Variants in SMARCAD1 observed in about 807,000 individuals in gnomAD.
SMARCAD1 encodes the protein SWI/SNF-related matrix-associated actin-dependent regulator of chromatin subfamily A containing DEAD/H box 1.
SMARCAD1 carries 25 observed loss-of-function variants against 127.1 expected under a neutral mutation model. The ratio of observed to expected loss-of-function variants is 0.20; its 90% CI spans 0.14 to 0.27. The LOEUF is 0.27. Ranked by LOEUF, SMARCAD1 falls within the 10% of genes least tolerant of loss-of-function variation. SMARCAD1 has a pLI of 1.00. For synonymous variants in SMARCAD1, 400 were observed against 396.9 expected (o/e 1.01, Z -0.09); for missense variants, 807 against 1,206.0 (o/e 0.67, Z 4.90).
At chr4:94,279,989 T>C (rs934230022) in intron 19 of SMARCAD1, among the ~76,000 whole-genome samples, 6 of 151,990 alleles carry the variant, frequency 3.9e-5, no homozygotes, top group African/African-American at 1.4e-4. Context: ...CTCAGCATCC[T>C]GAGTAGCTGG....
chr4:94,242,324 C>T (rs1368999292), intron 6 of SMARCAD1, among the ~76,000 whole-genome samples: 3 of 151,970 alleles, frequency 2.0e-5, no homozygotes, highest in African/African-American at 7.3e-5. Flanking sequence ...AGATTACAGG[C>T]GTGAGCCACC....
At chr4:94,208,217 G>A (rs759860816) in intron 1 of SMARCAD1, 129 bp from the exon 2 acceptor site, 1 of 739,124 alleles carries the variant, frequency 1.4e-6, no homozygotes. Flanking sequence ...ACAATGAAGC[G>A]CAGCCATAAC....
intron 10 of SMARCAD1, among the ~76,000 whole-genome samples, chr4:94,269,107 C>CT (rs1430532634): frequency 6.6e-6 from 1 of 152,164 alleles, no homozygotes; most frequent in Non-Finnish European, 1.5e-5. Context: ...CCTACCTATA[C>CT]TTTTAGTTGT....
intron 21 of SMARCAD1, among the ~76,000 whole-genome samples, chr4:94,281,897 C>G (rs1207054129): frequency 6.6e-6 from 1 of 150,930 alleles, no homozygotes; most frequent in East Asian, 2.0e-4. Flanking sequence ...ACAAAAATAG[C>G]CAGGTGTGGT....
chr4:94,266,299 T>C (rs894408646), intron 10 of SMARCAD1, among the ~76,000 whole-genome samples: 1 of 152,160 alleles, frequency 6.6e-6, no homozygotes, highest in Admixed American at 6.5e-5. Flanking sequence ...TGCATCACTT[T>C]AAAAATTTCT....
At chr4:94,276,746 A>T (rs989332982) in intron 15 of SMARCAD1, among the ~76,000 whole-genome samples, 5 of 152,208 alleles carry the variant, frequency 3.3e-5, no homozygotes, top group African/African-American at 1.2e-4. Context: ...TCTATATGTT[A>T]AACTATTTAT....
At chr4:94,221,691 G>A (rs931003933) in intron 2 of SMARCAD1, among the ~76,000 whole-genome samples, 43 of 152,174 alleles carry the variant, frequency 2.8e-4, no homozygotes, top group African/African-American at 1.0e-3. Flanking sequence ...TCATGAAGAT[G>A]TTGTAGGGGA....
At chr4:94,227,467 G>GCTA (rs1415546034) in intron 3 of SMARCAD1, among the ~76,000 whole-genome samples, 2 of 152,134 alleles carry the variant, frequency 1.3e-5, no homozygotes, top group African/African-American at 4.8e-5. Flanking sequence ...CTTAGATGAG[G>GCTA]CTAGTGCCTG....
In SMARCAD1 at chr4:94,290,122, C is replaced by A. The variant is rs1376256418; in HGVS notation, c.*588C>A. The A allele has an allele frequency of 4.4e-6, 2 of 454,496 alleles. No homozygotes were observed. The highest frequency in any genetic ancestry group is 4.4e-6 in the Non-Finnish European group (1 of 226,768). 28.2% of individuals were successfully genotyped at this position (454,496 alleles called of 1,614,324 possible). On this transcript the variant is annotated 3_prime_UTR_variant, in exon 24 of 24. Transcript: ENST00000354268. ...TATACTAACATCCCCCAGGTCCTCT[C>A]AAGTACTTCTGCTGAAACAAATTTA...
intron 9 of SMARCAD1, among the ~76,000 whole-genome samples, chr4:94,257,857 C>T (rs1023903300): frequency 6.6e-6 from 1 of 152,008 alleles, no homozygotes; most frequent in Non-Finnish European, 1.5e-5. Context: ...ATATTATAGA[C>T]AATAGGATTT....
At position 94,208,478 on chromosome 4, in the gene SMARCAD1, C is replaced by T; in HGVS notation, c.84C>T (p.Ser28=). ...CGCCCGAAGCAACCCCTCAACCTTC[C>T]CAGCCTGGCCCTTCTTCACCAATTT... ...EEAPEATPQP[S]QPGPSSPISL... The change falls in exon 2 of 24, where the codon TCC becomes TCT. Residue 28 remains serine (S), a synonymous_variant. Transcript: ENST00000354268. The T allele has an allele frequency of 6.2e-7, 1 of 1,614,060 alleles. No individual in the cohort carries two copies. Among genetic ancestry groups the T allele is most frequent in the Non-Finnish European group, 8.5e-7 (1 of 1,180,026 alleles).
rs1322361069 is a variant in SMARCAD1 at position 94,250,785 on chromosome 4, A to G, written c.841A>G (p.Met281Val). The G allele has an allele frequency of 1.9e-6, 3 of 1,612,206 alleles. No homozygotes were observed. The highest frequency in any genetic ancestry group is 2.5e-6 in the Non-Finnish European group (3 of 1,179,010). The change falls in exon 8 of 24, where the codon ATG (methionine) becomes GTG (valine). Residue 281 changes from methionine to valine, a missense_variant. By Grantham distance (21) the Met-to-Val change is conservative. Around this residue, in one of 8 missense-constraint regions of SMARCAD1, gnomAD observed 257 missense variants for 303.4 expected, o/e 0.85. Transcript: ENST00000354268. ...LREVLKEHEW[M>V]YTEALESLKV... ...AGAAGTACTCAAGGAACATGAATGG[A>G]TGTACACAGAAGCTTTAGAATCTCT...
At position 94,280,596 on chromosome 4, in the gene SMARCAD1, C is replaced by T; in HGVS notation, c.2423C>T (p.Pro808Leu). The T allele has an allele frequency of 1.2e-6, 2 of 1,611,636 alleles. No individual in the cohort carries two copies. The highest frequency in any genetic ancestry group is 1.7e-6 in the Non-Finnish European group (2 of 1,178,472). Residue 808 changes from proline (P) to leucine (L), a missense_variant, in exon 20 of 24, where the codon CCT becomes CTT. Physicochemically the swap from Pro to Leu is moderately conservative, Grantham distance 98. This residue lies in a region of SMARCAD1 where 99 missense variants were observed against 126.0 expected (regional missense o/e 0.79). Coordinates refer to ENST00000354268, the MANE Select transcript of SMARCAD1 (RefSeq NM_020159.5). Reference sequence around the variant, plus strand: ...TGTGTTTTGTTTTGTTTTAAGGAACCTACACATTGTGAGGCTAACCCTGAC... The same window carrying T: ...TGTGTTTTGTTTTGTTTTAAGGAACTTACACATTGTGAGGCTAACCCTGAC... ...KEMSQLMLKE[P>L]THCEANPDLI...
At chr4:94,244,204 A>G (rs1748048562) in intron 6 of SMARCAD1, among the ~76,000 whole-genome samples, 1 of 152,228 alleles carries the variant, frequency 6.6e-6, no homozygotes, top group South Asian at 2.1e-4. Context: ...GTAATTATAT[A>G]CACAGACCTA....
At chr4:94,209,216 T>A (rs1370984815) in intron 2 of SMARCAD1, among the ~76,000 whole-genome samples, 1 of 152,238 alleles carries the variant, frequency 6.6e-6, no homozygotes, top group Non-Finnish European at 1.5e-5. Flanking sequence ...AGTTAACTAT[T>A]AGAGGAATAT....
At chr4:94,237,789 T>TA (rs1410570612) in intron 5 of SMARCAD1, among the ~76,000 whole-genome samples, 2 of 152,160 alleles carry the variant, frequency 1.3e-5, no homozygotes, top group East Asian at 1.9e-4. Context: ...TATTAGCACT[T>TA]ACGTTTTCAT....
chr4:94,219,590 G>A (rs1166976445), intron 2 of SMARCAD1, among the ~76,000 whole-genome samples: 2 of 152,098 alleles, frequency 1.3e-5, no homozygotes, highest in Non-Finnish European at 2.9e-5. Context: ...TACCACTGGT[G>A]GGAAATTTCA....
intron 6 of SMARCAD1, among the ~76,000 whole-genome samples, chr4:94,244,471 C>G (rs755651682): frequency 1.1e-4 from 16 of 152,332 alleles, no homozygotes; most frequent in South Asian, 4.1e-4. Flanking sequence ...GTTATGAACG[C>G]ATGCCTCGAA....
chr4:94,268,769 T>C (rs752501371), intron 10 of SMARCAD1, among the ~76,000 whole-genome samples: 1 of 152,198 alleles, frequency 6.6e-6, no homozygotes, highest in Non-Finnish European at 1.5e-5. Context: ...ATAATTAATA[T>C]TTCCTATTTT....
Sources: gnomAD v4.1 joint callset for allele counts (sites outside exome capture counted in the v4.1 genomes callset) on GRCh38, gnomAD v4.1.1 for gene constraint, gnomAD v4.1.1 regional missense constraint, MANE v1.5 for transcripts, NCBI Gene and HGNC (gene_info 2026-07-23, HGNC 2026-07-21) for gene names.